Variants in DIAPH2 observed in about 807,000 individuals in gnomAD.
DIAPH2 encodes the protein diaphanous related formin 2.
DIAPH2 carries 35 observed loss-of-function variants against 92.7 expected under a neutral mutation model. The observed-to-expected ratio is 0.38, with a 90% CI of 0.29 to 0.50. The LOEUF (loss-of-function observed/expected upper bound fraction) is 0.50. Among genes scored for constraint, DIAPH2 ranks in the 20% least tolerant of loss-of-function variants. The probability of loss-of-function intolerance (pLI) is 0.94; values close to 1 mark genes in which losing one functional copy is unlikely to be tolerated. For missense variants in DIAPH2, 701 were observed against 819.5 expected, an observed-to-expected ratio of 0.86 and a Z score of 1.77; for synonymous variants, 301 against 280.4, an observed-to-expected ratio of 1.07 and a Z score of -0.73.
intron 1 of DIAPH2, among the ~76,000 whole-genome samples, chrX:96,699,463 G>C (rs181215677): frequency 9.0e-6 from 1 of 111,397 alleles, no homozygotes; most frequent in Admixed American, 9.5e-5. Flanking sequence ...TCTCACAACT[G>C]GGGGAGGGTG....
chrX:97,368,365 G>A (rs1017056109), intron 24 of DIAPH2, among the ~76,000 whole-genome samples: 3 of 111,673 alleles, frequency 2.7e-5, no homozygotes, highest in African/African-American at 9.8e-5. Flanking sequence ...TTTCCCAAAC[G>A]TTCAGCACTT....
chrX:97,580,369 T>A (rs1379505830), intron 26 of DIAPH2, among the ~76,000 whole-genome samples: 3 of 102,241 alleles, frequency 2.9e-5, no homozygotes, highest in African/African-American at 1.1e-4. Flanking sequence ...TTGAGAGTTT[T>A]TAGCATGAAA....
intron 22 of DIAPH2, among the ~76,000 whole-genome samples, chrX:97,245,877 A>T (rs6620245): frequency 4.6e-5 from 5 of 108,519 alleles, no homozygotes; most frequent in Non-Finnish European, 9.6e-5. Context: ...AAATAACATA[A>T]GTGACTGGTC....
intron 4 of DIAPH2, among the ~76,000 whole-genome samples, chrX:96,876,943 A>T (rs185811504): frequency 9.0e-6 from 1 of 110,588 alleles, no homozygotes; most frequent in African/African-American, 3.2e-5. Flanking sequence ...ATTGCATATT[A>T]AATTATTTTA....
chrX:97,253,654 G>A (rs1356370687), intron 23 of DIAPH2, among the ~76,000 whole-genome samples: 2 of 110,916 alleles, frequency 1.8e-5, no homozygotes, highest in Admixed American at 1.9e-4. Context: ...GGAGGCTGAG[G>A]CAGAAGAATC....
chrX:96,862,060 C>G (rs746663959), intron 4 of DIAPH2, among the ~76,000 whole-genome samples: 1 of 111,504 alleles, frequency 9.0e-6, no homozygotes, highest in African/African-American at 3.3e-5. Flanking sequence ...GGGTTGCATC[C>G]TCCTATGTGC....
At chrX:96,916,638 C>A in intron 8 of DIAPH2, 64 bp downstream of exon 8, 14 of 1,048,484 alleles carry the variant, frequency 1.3e-5, no homozygotes, top group Non-Finnish European at 1.8e-5. Flanking sequence ...TTAATAAGTC[C>A]TACTTTTGTT....
intron 23 of DIAPH2, among the ~76,000 whole-genome samples, chrX:97,322,650 T>A (rs1182347498): frequency 2.7e-5 from 3 of 110,812 alleles, no homozygotes; most frequent in Non-Finnish European, 5.7e-5. Context: ...TGGGAGTCTA[T>A]CTGAATCTAC....
chrX:96,849,779 A>G lies in DIAPH2; in HGVS notation c.448-31800A>G, dbSNP rs775205035. Reference sequence around the variant, plus strand: ...AACAATTACATGATAAAATATTGTGAAAACTATTTGTGAATAAATAATGAA... The same window carrying G: ...AACAATTACATGATAAAATATTGTGGAAACTATTTGTGAATAAATAATGAA... On this transcript the variant is annotated intron_variant, in intron 4 of 26. Coordinates refer to ENST00000324765, the MANE Select transcript of DIAPH2 (RefSeq NM_006729.5). 2.7e-5 allele frequency among the ~76,000 whole-genome samples: 3 copies of G among 111,840 alleles called. No homozygotes were observed. In the South Asian group the frequency reaches 1.1e-3, roughly 42 times the overall value.
At chrX:96,826,154 C>T (rs1225023870) in intron 4 of DIAPH2, among the ~76,000 whole-genome samples, 1 of 111,094 alleles carries the variant, frequency 9.0e-6, no homozygotes, top group Non-Finnish European at 1.9e-5. Context: ...TGGTGGCTCA[C>T]GCCTGTAATC....
At chrX:96,714,424 C>T (rs1178816558) in intron 1 of DIAPH2, among the ~76,000 whole-genome samples, 1 of 110,226 alleles carries the variant, frequency 9.1e-6, no homozygotes. Flanking sequence ...GCCACCACAC[C>T]CGGCTAATTT....
At chrX:96,891,373 C>G (rs960567855) in intron 5 of DIAPH2, among the ~76,000 whole-genome samples, 1 of 112,031 alleles carries the variant, frequency 8.9e-6, no homozygotes, top group East Asian at 2.8e-4. Context: ...TAAAGTAAAT[C>G]CCAATCTGCC....
chrX:96,977,674 T>C (rs1488856797), intron 17 of DIAPH2, among the ~76,000 whole-genome samples: 1 of 111,099 alleles, frequency 9.0e-6, no homozygotes, highest in Admixed American at 9.6e-5. Context: ...TTATTCTAAG[T>C]TAATTAGTTT....
chrX:97,478,535 G>A (rs978711585), intron 26 of DIAPH2, among the ~76,000 whole-genome samples: 3 of 111,960 alleles, frequency 2.7e-5, no homozygotes, highest in Middle Eastern at 4.6e-3. Context: ...ATATAATTAT[G>A]TAAAGAATAT....
At chrX:96,694,796 A>G (rs1055983794) in intron 1 of DIAPH2, among the ~76,000 whole-genome samples, 2 of 111,679 alleles carry the variant, frequency 1.8e-5, no homozygotes, top group African/African-American at 6.5e-5. Flanking sequence ...ACATTACAAA[A>G]TCAACGTTTT....
At chrX:96,816,606 C>T (rs995597909) in intron 4 of DIAPH2, among the ~76,000 whole-genome samples, 25 of 111,986 alleles carry the variant, frequency 2.2e-4, no homozygotes, top group African/African-American at 8.1e-4. Flanking sequence ...GAAAAGGGAA[C>T]CCTCATGCAC....
intron 22 of DIAPH2, among the ~76,000 whole-genome samples, chrX:97,185,895 G>A (rs1041874331): frequency 4.5e-5 from 5 of 110,047 alleles, no homozygotes; most frequent in Non-Finnish European, 9.5e-5. Flanking sequence ...TTGAAGTATA[G>A]GTTCCCATCC....
intron 26 of DIAPH2, among the ~76,000 whole-genome samples, chrX:97,430,727 T>C (rs2070117905): frequency 8.9e-6 from 1 of 112,472 alleles, no homozygotes; most frequent in East Asian, 2.8e-4. Context: ...CTCAAAACCA[T>C]TGTATTGCAA....
chrX:96,756,911 C>CT (rs1172916942), intron 3 of DIAPH2, among the ~76,000 whole-genome samples: 1,183 of 58,753 alleles, frequency 0.02, 26 homozygotes, highest in Non-Finnish European at 0.026. Flanking sequence ...ATTTATATAT[C>CT]TTTTTTTTTT....
Sources: gnomAD v4.1 joint callset for allele counts (sites outside exome capture counted in the v4.1 genomes callset) on GRCh38, gnomAD v4.1.1 for gene constraint, MANE v1.5 for transcripts, NCBI Gene and HGNC (gene_info 2026-07-23, HGNC 2026-07-21) for gene names.